CCSER2: variants seen among roughly 807,000 people sequenced by gnomAD.
CCSER2 encodes the protein serine-rich coiled-coil domain-containing protein 2.
In CCSER2, 46 loss-of-function variants were observed where a neutral mutation model predicts 92.3. That is an observed-to-expected ratio of 0.50 (90% CI 0.39 to 0.64). The LOEUF (loss-of-function observed/expected upper bound fraction) is 0.64, where lower values mean the gene tolerates loss of function less well. Ranked by LOEUF, CCSER2 falls within the 30% of genes least tolerant of loss-of-function variation. The pLI, the probability that CCSER2 is intolerant of heterozygous loss-of-function variation, is 0.00. For synonymous variants in CCSER2, 433 were observed against 431.4 expected (o/e 1.00, Z -0.04); for missense variants, 1,244 against 1,238.9 (o/e 1.00, Z -0.06).
At position 84,449,110 on chromosome 10, in the gene CCSER2, C is replaced by T. The variant is rs181923282; in HGVS notation, c.2064+10403C>T. ...AAAAATCAGGCCAGGCGCGGTGGCC[C>T]ATGCCTGTAATCCCAGCAATTTGGG... On this transcript the variant is annotated intron_variant, in intron 6 of 9. Transcript: ENST00000372088. Among the ~76,000 whole-genome samples, 379 of 152,322 alleles carry T rather than the reference C, an allele frequency of 2.5e-3. 1 individual carries two copies. The highest frequency in any genetic ancestry group is 8.4e-3 in the African/African-American group (348 of 41,574).
At chr10:84,496,577 G>T (rs188202734) in intron 9 of CCSER2, among the ~76,000 whole-genome samples, 1 of 152,150 alleles carries the variant, frequency 6.6e-6, no homozygotes, top group Non-Finnish European at 1.5e-5. Context: ...GAGCCACCGC[G>T]CCCGGCCTTC....
intron 1 of CCSER2, among the ~76,000 whole-genome samples, chr10:84,352,041 C>T (rs1282397989): frequency 6.6e-6 from 1 of 152,164 alleles, no homozygotes; most frequent in Non-Finnish European, 1.5e-5. Context: ...TGGCTCACGC[C>T]TGTAATCCCA....
intron 7 of CCSER2, among the ~76,000 whole-genome samples, 167 bp from the exon 8 acceptor site, chr10:84,470,205 A>G (rs1043811402): frequency 6.6e-6 from 1 of 151,808 alleles, no homozygotes; most frequent in African/African-American, 2.4e-5. Flanking sequence ...GCTCATTGTC[A>G]ACATGTCACA....
intron 2 of CCSER2, 52 bp from the exon 3 acceptor site, chr10:84,373,567 A>G: frequency 7.3e-7 from 1 of 1,366,668 alleles, no homozygotes; most frequent in Non-Finnish European, 1.0e-6. Flanking sequence ...TATTTTTAGG[A>G]CACGAGAAAC....
intron 3 of CCSER2, among the ~76,000 whole-genome samples, chr10:84,381,217 C>T (rs1840887982): frequency 6.6e-6 from 1 of 152,136 alleles, no homozygotes; most frequent in Non-Finnish European, 1.5e-5. Context: ...AGGGATATAA[C>T]AAGAGCTCAG....
At chr10:84,329,877 A>AT (rs1197575185) in intron 1 of CCSER2, among the ~76,000 whole-genome samples, 7 of 152,104 alleles carry the variant, frequency 4.6e-5, no homozygotes, top group Admixed American at 6.5e-5. Context: ...TGTTACTGTT[A>AT]TTTTTTGTTT....
chr10:84,512,667 T>C (rs1589850348), intron 9 of CCSER2, among the ~76,000 whole-genome samples: 1 of 152,314 alleles, frequency 6.6e-6, no homozygotes, highest in East Asian at 1.9e-4. Flanking sequence ...TTCTGTTCTT[T>C]AGTTGCAGTT....
rs1326067585 is a variant in CCSER2, at chr10:84,371,847, A to G, written c.795A>G (p.Leu265=). ...QNQQLSIRVP[L]RSSMLTRNSR... is the part of the protein sequence containing the mutation. ...AACAGCTATCCATTAGAGTGCCTCT[A>G]CGGTCAAGTATGCTAACAAGAAATT... The change falls in exon 2 of 10, where the codon CTA becomes CTG. Residue 265 remains leucine (L), a synonymous_variant. Coordinates refer to ENST00000372088, the MANE Select transcript of CCSER2 (RefSeq NM_001284240.2). 7 of 1,613,818 alleles carry G rather than the reference A, an allele frequency of 4.3e-6. No individual in the cohort carries two copies. Among genetic ancestry groups the G allele is most frequent in the Non-Finnish European group, 5.9e-6 (7 of 1,179,880 alleles).
At chr10:84,431,471 T>C (rs1843758768) in intron 5 of CCSER2, among the ~76,000 whole-genome samples, 1 of 152,074 alleles carries the variant, frequency 6.6e-6, no homozygotes, top group African/African-American at 2.4e-5. Flanking sequence ...CCAGGTGCAG[T>C]GGCTCATGCC....
At position 84,371,164 on chromosome 10, in the gene CCSER2, T is replaced by C; in HGVS notation, c.112T>C (p.Leu38=). 1.2e-6 allele frequency: 2 copies of C among 1,613,410 alleles called. No homozygotes were observed. Among genetic ancestry groups the C allele is most frequent in the East Asian group, 4.5e-5 (2 of 44,868 alleles). Residue 38 remains leucine, a synonymous_variant, in exon 2 of 10, where the codon TTA becomes CTA. Coordinates refer to ENST00000372088, the MANE Select transcript of CCSER2 (RefSeq NM_001284240.2). ...QPMPNGTPVN[L]LGTSKNSNVK... ...AATGCCAAATGGGACACCTGTTAATTTATTAGGAACTTCCAAGAATAGTAA... is the reference window on the plus strand; with the variant it reads ...AATGCCAAATGGGACACCTGTTAATCTATTAGGAACTTCCAAGAATAGTAA...
At chr10:84,456,730 G>A (rs1226064426) in intron 6 of CCSER2, among the ~76,000 whole-genome samples, 1 of 152,006 alleles carries the variant, frequency 6.6e-6, no homozygotes, top group African/African-American at 2.4e-5. Context: ...CTATTGTTCT[G>A]CATTCTTGCT....
chr10:84,358,629 T>C (rs926164015), intron 1 of CCSER2, among the ~76,000 whole-genome samples: 2 of 148,546 alleles, frequency 1.3e-5, no homozygotes, highest in Non-Finnish European at 3.0e-5. Context: ...TATCTAAATA[T>C]ATATATATGT....
At chr10:84,417,742 G>A in intron 3 of CCSER2, 29 bp from the exon 4 acceptor site, 1 of 1,034,720 alleles carries the variant, frequency 9.7e-7, no homozygotes, top group African/African-American at 1.6e-5. Flanking sequence ...GCTAGATTAT[G>A]GTATATTTTT....
chr10:84,476,391 A>G (rs941634594), intron 8 of CCSER2, among the ~76,000 whole-genome samples: 3 of 149,910 alleles, frequency 2.0e-5, no homozygotes, highest in African/African-American at 7.3e-5. Flanking sequence ...TTTAACAAAT[A>G]ATGTGGTTAT....
chr10:84,400,010 G>A (rs1433444035), intron 3 of CCSER2, among the ~76,000 whole-genome samples: 1 of 151,710 alleles, frequency 6.6e-6, no homozygotes, highest in African/African-American at 2.4e-5. Context: ...ACTTTTTTGT[G>A]TGTTTATTGT....
intron 3 of CCSER2, among the ~76,000 whole-genome samples, chr10:84,406,321 CTG>C (rs917249098): frequency 1.1e-4 from 16 of 152,246 alleles, no homozygotes; most frequent in Admixed American, 8.5e-4. Flanking sequence ...GGTGAAGAAA[CTG>C]TTCTGCATCC....
chr10:84,335,226 CTCT>C (rs1365047417), intron 1 of CCSER2, among the ~76,000 whole-genome samples: 7 of 95,072 alleles, frequency 7.4e-5, no homozygotes, highest in South Asian at 4.1e-4. Flanking sequence ...TTCTCTCTCT[CTCT>C]TTTTTTTTTT....
rs888050062 is a variant in CCSER2 at position 84,444,146 on chromosome 10, T to TA, written c.2064+5449dup. Among the ~76,000 whole-genome samples, 265 of 147,764 alleles carry TA rather than the reference T, an allele frequency of 1.8e-3. 1 individual carries two copies. Among genetic ancestry groups the TA allele is most frequent in the African/African-American group, 5.7e-3 (230 of 40,270 alleles). ...CCCAGAAGTTAAAGTATAATAATAA[T>TA]AAAAAAAAAATGTAGGATGCTAGAG... is the stretch of plus-strand genomic sequence containing the variant. On this transcript the variant is annotated intron_variant, in intron 6 of 9. Transcript: ENST00000372088.
intron 1 of CCSER2, among the ~76,000 whole-genome samples, chr10:84,364,528 G>GT: frequency 6.6e-6 from 1 of 152,212 alleles, no homozygotes; most frequent in South Asian, 2.1e-4. Context: ...CTGAATCTTG[G>GT]TTTTAGCTAT....
Sources: allele counts gnomAD v4.1 joint callset (sites outside exome capture counted in the v4.1 genomes callset), GRCh38; gene constraint gnomAD v4.1.1; transcripts MANE v1.5; gene names NCBI Gene and HGNC (gene_info 2026-07-23, HGNC 2026-07-21).